The following ACOT12 variants were observed in gnomAD, a reference collection of about 807,000 sequenced individuals.
The protein encoded by ACOT12 is acetyl-coenzyme A thioesterase.
Under a neutral mutation model 67.7 loss-of-function variants are expected in ACOT12, and 51 were observed. That is an observed-to-expected ratio of 0.75 (90% confidence interval 0.60 to 0.95). The LOEUF (loss-of-function observed/expected upper bound fraction) is 0.95. ACOT12 is among the 40% of genes least tolerant of loss of function. The probability of loss-of-function intolerance (pLI) is 0.00; values close to 1 mark genes in which losing one functional copy is unlikely to be tolerated. For synonymous variants in ACOT12, 251 were observed against 244.6 expected (o/e 1.03, Z -0.24); for missense variants, 734 against 708.1 (o/e 1.04, Z -0.41).
chr5:81,345,130 C>A, intron 7 of ACOT12, 89 bp from the exon 8 acceptor site: 1 of 993,188 alleles, frequency 1.0e-6, no homozygotes, highest in Non-Finnish European at 1.4e-6. Context: ...TCGCCCACCG[C>A]TGCCACCTCC....
chr5:81,358,045 A>G (rs1759779111), intron 5 of ACOT12, among the ~76,000 whole-genome samples: 1 of 143,324 alleles, frequency 7.0e-6, no homozygotes, highest in African/African-American at 2.7e-5. Flanking sequence ...AAGAAGAAAA[A>G]CAACTGTATT....
chr5:81,366,901 G>A (rs1314376951), intron 3 of ACOT12, among the ~76,000 whole-genome samples: 9 of 152,080 alleles, frequency 5.9e-5, no homozygotes, highest in South Asian at 2.1e-4. Context: ...TCAGTGACCC[G>A]TGGAACACTA....
intron 5 of ACOT12, among the ~76,000 whole-genome samples, chr5:81,356,631 C>T (rs903506688): frequency 6.6e-6 from 1 of 152,078 alleles, no homozygotes; most frequent in African/African-American, 2.4e-5. Context: ...AATTGCCGTT[C>T]CCTGCCCCTC....
At chr5:81,318,331 T>C in the ACOT12 span, among the ~76,000 whole-genome samples, 2 of 152,226 alleles carry the variant, frequency 1.3e-5, no homozygotes, top group Non-Finnish European at 2.9e-5. Flanking sequence ...GGTTTCCTTT[T>C]TGAAATCATT....
At position 81,363,851 on chromosome 5, in the gene ACOT12, G is replaced by A. The variant is rs769660264; in HGVS notation, c.297C>T (p.Gly99=). 6.2e-7 allele frequency: 1 copy of A among 1,611,718 alleles called. No homozygotes were observed. Residue 99 remains glycine, a synonymous_variant, in exon 4 of 15, where the codon GGC becomes GGT. Coordinates refer to ENST00000307624, the MANE Select transcript of ACOT12 (RefSeq NM_130767.3). ...IKVMVQDMLT[G]IEKLVSVAFS... is the part of the protein sequence containing the mutation. ...AAGCCACACTAACAAGCTTCTCAAT[G>A]CCAGTGAGCATATCCTGTACCATGA...
intron 3 of ACOT12, among the ~76,000 whole-genome samples, chr5:81,368,541 A>T (rs1370217868): frequency 4.6e-5 from 7 of 152,128 alleles, no homozygotes; most frequent in Non-Finnish European, 7.3e-5. Flanking sequence ...AAACATAAAG[A>T]TGTATCTGGA....
intron 5 of ACOT12, among the ~76,000 whole-genome samples, chr5:81,355,638 C>T (rs1342844845): frequency 6.6e-6 from 1 of 152,148 alleles, no homozygotes; most frequent in Non-Finnish European, 1.5e-5. Flanking sequence ...GCTGGGGCAA[C>T]CACTGACTAT....
chr5:81,378,831 C>T (rs1162957212), intron 2 of ACOT12, among the ~76,000 whole-genome samples: 5 of 152,154 alleles, frequency 3.3e-5, no homozygotes, highest in African/African-American at 1.2e-4. Context: ...AGTCAGGAAA[C>T]AACAGATGCT....
At chr5:81,309,106 C>A in the ACOT12 span, 1 of 1,140,668 alleles carries the variant, frequency 8.8e-7, no homozygotes, top group South Asian at 1.6e-5. Context: ...AATTTACACT[C>A]AATCACAGTT....
At chr5:81,379,332 G>A (rs540563010) in intron 2 of ACOT12, among the ~76,000 whole-genome samples, 1 of 151,682 alleles carries the variant, frequency 6.6e-6, no homozygotes, top group South Asian at 2.1e-4. Flanking sequence ...GTCTGTCAGG[G>A]GGTGGGGGGC....
chr5:81,325,515 T>C (rs150670350), downstream of ACOT12, among the ~76,000 whole-genome samples: 1 of 151,974 alleles, frequency 6.6e-6, no homozygotes, highest in African/African-American at 2.4e-5. Context: ...TTCCAGGGAG[T>C]GATTATAATG....
intron 5 of ACOT12, among the ~76,000 whole-genome samples, chr5:81,359,165 T>G (rs1300910757): frequency 6.6e-6 from 1 of 152,176 alleles, no homozygotes; most frequent in Non-Finnish European, 1.5e-5. Context: ...CCTTCTGCCC[T>G]CTTGGCAGTG....
At chr5:81,340,329 G>A (rs531181479) in intron 11 of ACOT12, among the ~76,000 whole-genome samples, 15 of 151,438 alleles carry the variant, frequency 9.9e-5, no homozygotes, top group Admixed American at 4.0e-4. Flanking sequence ...GAGCCACTGC[G>A]CCTGCCCAGA....
chr5:81,339,485 C>G (rs916918588), intron 11 of ACOT12, among the ~76,000 whole-genome samples: 3 of 152,180 alleles, frequency 2.0e-5, no homozygotes, highest in Non-Finnish European at 4.4e-5. Context: ...TAATTTCCAC[C>G]AGGAGAACTT....
chr5:81,360,189 A>T (rs1254850061), intron 4 of ACOT12, 151 bp from the exon 5 acceptor site: 3 of 693,156 alleles, frequency 4.3e-6, no homozygotes, highest in East Asian at 3.3e-5. Context: ...TTATGACTAA[A>T]TTTTTTCTTA....
In ACOT12 at chr5:81,343,687, A is replaced by G. The variant is rs112285100; in HGVS notation, c.1044+131T>C. 2.5e-4 allele frequency: 214 copies of G among 844,916 alleles called. No homozygotes were observed. In the African/African-American group the frequency reaches 3.3e-3, roughly 13 times the overall value. 52.3% of individuals were successfully genotyped at this position (844,916 alleles called of 1,614,324 possible). ...TAGCCTGGTTTTGTTTCATCTTGAC[A>G]TGACTGGCTGATATAATCCACCTTT... On this transcript the variant is annotated intron_variant, in intron 10 of 14. Transcript: ENST00000307624.
intron 3 of ACOT12, among the ~76,000 whole-genome samples, chr5:81,370,029 T>A (rs1000700994): frequency 1.3e-5 from 2 of 152,224 alleles, no homozygotes; most frequent in Non-Finnish European, 2.9e-5. Flanking sequence ...CTGTGATCGA[T>A]CCTAGCACTT....
chr5:81,357,242 T>C (rs191446571), intron 5 of ACOT12, among the ~76,000 whole-genome samples: 5 of 152,294 alleles, frequency 3.3e-5, no homozygotes, highest in African/African-American at 1.2e-4. Flanking sequence ...TACAGCTCTC[T>C]ATTCACTTAC....
chr5:81,370,274 A>G (rs1760208636), intron 3 of ACOT12, among the ~76,000 whole-genome samples: 1 of 152,190 alleles, frequency 6.6e-6, no homozygotes, highest in Non-Finnish European at 1.5e-5. Flanking sequence ...CTCTGTCTCA[A>G]AAACAAAAGC....
Sources: gnomAD v4.1 joint callset for allele counts (sites outside exome capture counted in the v4.1 genomes callset) on GRCh38, gnomAD v4.1.1 for gene constraint, MANE v1.5 for transcripts, NCBI Gene and HGNC (gene_info 2026-07-23, HGNC 2026-07-21) for gene names.